The following STXBP5L variants were observed in gnomAD, a reference collection of about 807,000 sequenced individuals.
STXBP5L encodes syntaxin-binding protein 5-like.
Under a neutral mutation model 144.5 loss-of-function variants are expected in STXBP5L, and 65 were observed. The ratio of observed to expected loss-of-function variants is 0.45; its 90% CI spans 0.37 to 0.55. STXBP5L has a LOEUF of 0.55. Among genes scored for constraint, STXBP5L ranks in the 20% least tolerant of loss-of-function variants. The pLI is 0.00. For missense variants in STXBP5L, 1,298 were observed against 1,405.5 expected (o/e 0.92, Z 1.22); for synonymous variants, 505 against 469.6 (o/e 1.08, Z -0.97).
chr3:121,401,894 TAAA>T (rs71133532), intron 22 of STXBP5L, among the ~76,000 whole-genome samples: 264 of 137,616 alleles, frequency 1.9e-3, no homozygotes, highest in African/African-American at 5.3e-3. Context: ...TAGAGTATAA[TAAA>T]AAAAAAAAAA....
chr3:121,226,004 A>T (rs1021584407), intron 11 of STXBP5L, among the ~76,000 whole-genome samples: 27 of 152,172 alleles, frequency 1.8e-4, no homozygotes, highest in African/African-American at 6.3e-4. Context: ...ACTAGTACAT[A>T]CTGATATCCT....
At chr3:121,343,693 G>T (rs1336915843) in intron 20 of STXBP5L, among the ~76,000 whole-genome samples, 1 of 152,110 alleles carries the variant, frequency 6.6e-6, no homozygotes, top group African/African-American at 2.4e-5. Flanking sequence ...ACTTACAAGG[G>T]ACGTGAAGGA....
At chr3:121,126,397 A>C (rs2044704755) in intron 7 of STXBP5L, among the ~76,000 whole-genome samples, 2 of 152,166 alleles carry the variant, frequency 1.3e-5, no homozygotes, top group Admixed American at 1.3e-4. Context: ...CCTAGTCTGT[A>C]AACCCTCAGT....
At chr3:121,028,252 T>G (rs1415060332) in intron 3 of STXBP5L, among the ~76,000 whole-genome samples, 2 of 152,108 alleles carry the variant, frequency 1.3e-5, no homozygotes, top group African/African-American at 4.8e-5. Flanking sequence ...AATACATAGA[T>G]TATTATGCTA....
chr3:121,090,737 A>C (rs2042738925), intron 5 of STXBP5L, among the ~76,000 whole-genome samples: 1 of 151,768 alleles, frequency 6.6e-6, no homozygotes, highest in African/African-American at 2.4e-5. Context: ...CTTCATGGGG[A>C]CACAATTAGT....
At chr3:121,355,085 G>A (rs1408846030) in intron 20 of STXBP5L, among the ~76,000 whole-genome samples, 6 of 152,096 alleles carry the variant, frequency 3.9e-5, no homozygotes, top group Admixed American at 3.9e-4. Context: ...TTCTTTTGTG[G>A]GTAACTCGAC....
At chr3:121,292,285 C>G (rs373645014) in intron 19 of STXBP5L, among the ~76,000 whole-genome samples, 1 of 151,928 alleles carries the variant, frequency 6.6e-6, no homozygotes, top group South Asian at 2.1e-4. Flanking sequence ...CCAACAAACA[C>G]GTAAAAATGC....
At chr3:121,147,776 A>C (rs1295694419) in intron 7 of STXBP5L, among the ~76,000 whole-genome samples, 4 of 152,312 alleles carry the variant, frequency 2.6e-5, no homozygotes, top group Admixed American at 1.3e-4. Flanking sequence ...GGGTCTCATC[A>C]ATCAGCTGAA....
intron 3 of STXBP5L, among the ~76,000 whole-genome samples, chr3:121,010,147 A>T (rs561095425): frequency 1.4e-4 from 22 of 152,002 alleles, no homozygotes; most frequent in Non-Finnish European, 2.8e-4. Context: ...GGGGGCCATG[A>T]TAGTGTTTTA....
At chr3:120,966,003 C>G (rs1030299567) in intron 3 of STXBP5L, among the ~76,000 whole-genome samples, 3 of 152,060 alleles carry the variant, frequency 2.0e-5, no homozygotes, top group Non-Finnish European at 2.9e-5. Flanking sequence ...CTCTAAACTT[C>G]TCCTGTGACT....
rs755117696 is a variant in STXBP5L at position 121,091,275 on chromosome 3, G to A, written c.471-23650G>A. Among the ~76,000 whole-genome samples, 52 of 147,290 alleles carry A rather than the reference G, an allele frequency of 3.5e-4. 1 individual carries two copies. The highest frequency in any genetic ancestry group is 6.8e-4 in the Non-Finnish European group (46 of 67,708). On this transcript the variant is annotated intron_variant, in intron 5 of 26. Transcript: ENST00000471454. ...TGTCTTTATAGCAGCATGATTTATAGTCCTTTGGGTATATACCCAGTAATG... is the reference window on the plus strand; with the variant it reads ...TGTCTTTATAGCAGCATGATTTATAATCCTTTGGGTATATACCCAGTAATG...
intron 9 of STXBP5L, among the ~76,000 whole-genome samples, chr3:121,178,451 T>G (rs1396198850): frequency 6.6e-6 from 1 of 152,214 alleles, no homozygotes; most frequent in Non-Finnish European, 1.5e-5. Flanking sequence ...AAGGAAAATC[T>G]TAATAAATTT....
chr3:121,172,827 TG>T (rs1559822586), intron 9 of STXBP5L, among the ~76,000 whole-genome samples: 1 of 152,236 alleles, frequency 6.6e-6, no homozygotes, highest in African/African-American at 2.4e-5. Flanking sequence ...ATCCCATTAC[TG>T]GGTGTATACC....
chr3:121,093,984 T>C (rs1001888069), intron 5 of STXBP5L, among the ~76,000 whole-genome samples: 1 of 152,208 alleles, frequency 6.6e-6, no homozygotes, highest in African/African-American at 2.4e-5. Flanking sequence ...TTTGTTCTCG[T>C]TGGTTTCAAA....
At position 120,936,209 on chromosome 3, in the gene STXBP5L, T is replaced by TA. The variant is rs1474187920; in HGVS notation, c.190-18730dup. Among the ~76,000 whole-genome samples, 7 of 152,300 alleles carry TA rather than the reference T, an allele frequency of 4.6e-5. No homozygotes were observed. In the East Asian group the frequency reaches 1.4e-3, roughly 29 times the overall value. ...ATTTCTAGCATTTCTTTTTGATTCT[T>TA]AGAGTTTCCATTTCTCTGCTTAAAT... On this transcript the variant is annotated intron_variant, in intron 2 of 26. Transcript: ENST00000471454.
intron 22 of STXBP5L, among the ~76,000 whole-genome samples, chr3:121,400,955 GAGAT>G (rs145260027): frequency 1.9e-4 from 29 of 152,096 alleles, no homozygotes; most frequent in African/African-American, 6.5e-4. Context: ...AAACACTAAA[GAGAT>G]AGACCACAGA....
intron 12 of STXBP5L, among the ~76,000 whole-genome samples, chr3:121,236,029 A>G (rs1459175940): frequency 6.6e-6 from 1 of 152,176 alleles, no homozygotes; most frequent in Non-Finnish European, 1.5e-5. Flanking sequence ...GAATAATACT[A>G]ATTTCCTCCT....
chr3:121,031,418 ACTAT>A (rs1194366144), intron 3 of STXBP5L, among the ~76,000 whole-genome samples: 2 of 151,432 alleles, frequency 1.3e-5, no homozygotes, highest in African/African-American at 2.4e-5. Context: ...CAATCAATCA[ACTAT>A]CTAGATTGTT....
intron 5 of STXBP5L, among the ~76,000 whole-genome samples, chr3:121,056,509 G>C (rs1253502065): frequency 6.6e-6 from 1 of 152,174 alleles, no homozygotes; most frequent in East Asian, 1.9e-4. Context: ...GAAATCTCTG[G>C]CAAACTGGAT....
Sources: allele counts gnomAD v4.1 joint callset (sites outside exome capture counted in the v4.1 genomes callset), GRCh38; gene constraint gnomAD v4.1.1; transcripts MANE v1.5; gene names NCBI Gene and HGNC (gene_info 2026-07-23, HGNC 2026-07-21).